The following CBX8 variants were observed in gnomAD, a reference collection of about 807,000 sequenced individuals.
The protein encoded by CBX8 is chromobox protein homolog 8.
In CBX8, 8 loss-of-function variants were observed where a neutral mutation model predicts 39.7. The ratio of observed to expected loss-of-function variants is 0.20; its 90% CI spans 0.12 to 0.36. The LOEUF is 0.36. Ranked by LOEUF, CBX8 falls within the 10% of genes least tolerant of loss-of-function variation. The probability of loss-of-function intolerance (pLI) is 1.00; values close to 1 mark genes in which losing one functional copy is unlikely to be tolerated. For synonymous variants in CBX8, 268 were observed against 219.8 expected (o/e 1.22, Z -1.94); for missense variants, 505 against 529.6 (o/e 0.95, Z 0.46).
chr17:79,796,807 G>T (rs1200830715), intron 1 of CBX8, 123 bp downstream of exon 1: 1 of 964,786 alleles, frequency 1.0e-6, no homozygotes, highest in Non-Finnish European at 1.5e-6. Flanking sequence ...CGCCGCCGCC[G>T]CCACGGCCGC....
Position 79,795,326 on chromosome 17 carries a change from C to A in CBX8, c.479G>T (p.Arg160Leu). Residue 160 changes from arginine (R) to leucine (L), a missense_variant, in exon 5 of 5, where the codon CGG (arginine) becomes CTG (leucine). By Grantham distance (102) the Arg-to-Leu change is moderately radical (BLOSUM62 -2). This residue lies in a region of CBX8 where 456 missense variants were observed against 389.2 expected (regional missense o/e 1.17). Transcript: ENST00000269385. The surrounding 1 kb of genome is among the most constrained non-coding windows in gnomAD (Gnocchi z 5.8). ...RDRDRDRDRE[R>L]DRERERERER... ...TCGCTCCCTCTCCCTTTCTCGATCC[C>A]GCTCCCGGTCCCTATCCCGGTCTCG... is the stretch of plus-strand genomic sequence containing the variant. 6.3e-7 allele frequency: 1 copy of A among 1,581,780 alleles called. No individual in the cohort carries two copies. Among genetic ancestry groups the A allele is most frequent in the Middle Eastern group, 1.7e-4 (1 of 6,030 alleles).
At position 79,796,743 on chromosome 17, in the gene CBX8, C is replaced by T. The variant is rs906179686; in HGVS notation, c.69+187G>A. 7.6e-5 allele frequency among the ~76,000 whole-genome samples: 10 copies of T among 132,240 alleles called. No individual in the cohort carries two copies. The Admixed American group carries it at 7.7e-4, about 10-fold the overall frequency. 86.8% of individuals were successfully genotyped at this position (132,240 alleles called of 152,430 possible). A position where few individuals can be genotyped will look rare whatever the true frequency, so the allele number is the denominator to read the frequency against. ...TTCCCCACCCCGCCCCCCACCCATGCAATCCGTGCATCGCTGCAAGTCTAA... is the reference window on the plus strand; with the variant it reads ...TTCCCCACCCCGCCCCCCACCCATGTAATCCGTGCATCGCTGCAAGTCTAA... On this transcript the variant is annotated intron_variant, in intron 1 of 4. Transcript: ENST00000269385.
chr17:79,793,873 T>C lies in CBX8; in HGVS notation c.*762A>G, dbSNP rs770773692. 1.3e-5 allele frequency: 2 copies of C among 152,080 alleles called. No homozygotes were observed. Among genetic ancestry groups the C allele is most frequent in the Non-Finnish European group, 2.9e-5 (2 of 68,016 alleles). The allele number at this position is 152,080 out of a possible 1,614,324, so 9.4% of individuals were successfully genotyped here. On this transcript the variant is annotated 3_prime_UTR_variant, in exon 5 of 5. Transcript: ENST00000269385. ...ACGGGGAGATTTTATCCACATGACA[T>C]ACACACGATCTGCGTGTACCACACA...
In CBX8 at chr17:79,792,783, T is replaced by TCC. The variant is rs1451557000; in HGVS notation, c.*1850_*1851dup. The TCC allele has an allele frequency of 6.6e-6, 1 of 152,214 alleles. No individual in the cohort carries two copies. The highest frequency in any genetic ancestry group is 2.4e-5 in the African/African-American group (1 of 41,434). The allele number at this position is 152,214 out of a possible 1,614,324, so 9.4% of individuals were successfully genotyped here. Reference sequence around the variant, plus strand: ...AAACACAATCATGTAGTACACCGTTTCCCTCCTTTTCTCTCTTTAAAGGCA... The same window carrying TCC: ...AAACACAATCATGTAGTACACCGTTTCCCCCTCCTTTTCTCTCTTTAAAGGCA... On this transcript the variant is annotated 3_prime_UTR_variant, in exon 5 of 5. Transcript: ENST00000269385.
At position 79,795,363 on chromosome 17, in the gene CBX8, G is replaced by T; in HGVS notation, c.442C>A (p.Arg148=). 6.3e-7 allele frequency: 1 copy of T among 1,595,084 alleles called. No individual in the cohort carries two copies. The highest frequency in any genetic ancestry group is 1.8e-5 in the Admixed American group (1 of 56,350). ...CTATCCCGGTCTCGGTCCCGGTCCC[G>T]AGGGGCCTCTGCGCGGCAGGTGCTG... is the stretch of plus-strand genomic sequence containing the variant. ...TSSTCRAEAP[R]DRDRDRDRDR... Residue 148 remains arginine, a synonymous_variant, in exon 5 of 5, where the codon CGG becomes AGG. Transcript: ENST00000269385. The surrounding 1 kb of genome is among the most constrained non-coding windows in gnomAD (Gnocchi z 5.8).
rs1046369068 is a variant in CBX8 at position 79,795,475 on chromosome 17, C to T, written c.330G>A (p.Ser110=). ...GGGAAGTGGAGGCCAGGTCCTGGGG[C>T]GAGCGGCCAGGGTAGGGGATCCGGA... ...RGIRIPYPGR[S]PQDLASTSRA... Residue 110 remains serine (S), a synonymous_variant, in exon 5 of 5, where the codon TCG becomes TCA. Coordinates refer to ENST00000269385, the MANE Select transcript of CBX8 (RefSeq NM_020649.3). The surrounding 1 kb of genome is among the most constrained non-coding windows in gnomAD (Gnocchi z 5.8). The T allele has an allele frequency of 5.6e-6, 9 of 1,595,522 alleles. No homozygotes were observed. Among genetic ancestry groups the T allele is most frequent in the Non-Finnish European group, 6.8e-6 (8 of 1,170,948 alleles).
intron 1 of CBX8, 47 bp from the exon 2 acceptor site, chr17:79,796,587 G>A: frequency 1.2e-6 from 2 of 1,605,376 alleles, no homozygotes; most frequent in African/African-American, 1.3e-5. Flanking sequence ...AGAAACGCAT[G>A]ACGAGGATAC....
rs889074572 is a variant in CBX8, at chr17:79,795,770, T to C, written c.247-212A>G. ...AGAGGTAGAAGGATGAGAGAAGAGG[T>C]AGAAGATTTGGCTGGAAGTAGTCAT... is the stretch of plus-strand genomic sequence containing the variant. On this transcript the variant is annotated intron_variant, in intron 4 of 4. Coordinates refer to ENST00000269385, the MANE Select transcript of CBX8 (RefSeq NM_020649.3). The surrounding 1 kb of genome is among the most constrained non-coding windows in gnomAD (Gnocchi z 5.8). 3.3e-5 allele frequency among the ~76,000 whole-genome samples: 5 copies of C among 152,054 alleles called. No homozygotes were observed. Among genetic ancestry groups the C allele is most frequent in the Admixed American group, 6.6e-5 (1 of 15,260 alleles).
In CBX8 at chr17:79,795,289, C is replaced by T; in HGVS notation, c.516G>A (p.Arg172=). ...RERERERERE[R]ERERERERGT... is the part of the protein sequence containing the mutation. ...CCCGCTCTCGTTCCCTCTCACGTTC[C>T]CGCTCCCTCTCTCGCTCCCTCTCCC... Residue 172 remains arginine, a synonymous_variant, in exon 5 of 5, where the codon CGG becomes CGA. Coordinates refer to ENST00000269385, the MANE Select transcript of CBX8 (RefSeq NM_020649.3). This position sits in a 1 kb window ranked among gnomAD's most constrained non-coding sequence, Gnocchi z 5.8. The T allele has an allele frequency of 6.3e-7, 1 of 1,598,058 alleles. No individual in the cohort carries two copies. The highest frequency in any genetic ancestry group is 8.5e-7 in the Non-Finnish European group (1 of 1,172,240).
intron 2 of CBX8, 75 bp from the exon 3 acceptor site, chr17:79,796,390 A>T (rs1300285968): frequency 6.5e-7 from 1 of 1,539,150 alleles, no homozygotes; most frequent in African/African-American, 1.4e-5. Context: ...TGTGTGTGTA[A>T]CTTTTCTCAT....
At chr17:79,796,813 G>T in intron 1 of CBX8, 117 bp downstream of exon 1, 1 of 1,024,850 alleles carries the variant, frequency 9.8e-7, no homozygotes, top group Non-Finnish European at 1.4e-6. Flanking sequence ...CGCCGCCACG[G>T]CCGCGGCCGC....
rs1448749624 is a variant in CBX8 at position 79,794,915 on chromosome 17, T to C, written c.890A>G (p.Gln297Arg). 1 of 1,609,186 alleles carries C rather than the reference T, an allele frequency of 6.2e-7. No individual in the cohort carries two copies. Among genetic ancestry groups the C allele is most frequent in the East Asian group, 2.2e-5 (1 of 44,676 alleles). ...GGTGCCATTGGGATCTAGGGCACCC[T>C]GGCCTTTGGCCTCCAGGAAGGCAGC... Reference protein sequence around the residue: ...HRAAFLEAKGQGALDPNGTRV... With the variant: ...HRAAFLEAKGRGALDPNGTRV... Residue 297 changes from glutamine (Q) to arginine (R), a missense_variant, in exon 5 of 5, where the codon CAG becomes CGG. This residue lies in a region of CBX8 where 456 missense variants were observed against 389.2 expected (regional missense o/e 1.17). Transcript: ENST00000269385.
intron 1 of CBX8, 32 bp downstream of exon 1, chr17:79,796,898 C>A: frequency 6.3e-7 from 1 of 1,575,470 alleles, no homozygotes; most frequent in Non-Finnish European, 8.6e-7. Context: ...AGGGCCCGGC[C>A]GCACGGAGGC....
chr17:79,794,450 A>C lies in CBX8; in HGVS notation c.*185T>G. On this transcript the variant is annotated 3_prime_UTR_variant, in exon 5 of 5. Transcript: ENST00000269385. The stretch of plus-strand genomic sequence containing the variant: ...TACATCTAATAGAAAATATAACTCT[A>C]GAGATAATCTTTCCAACAAAAACTG... 6.0e-5 allele frequency: 28 copies of C among 469,988 alleles called. No homozygotes were observed. Among genetic ancestry groups the C allele is most frequent in the Non-Finnish European group, 6.5e-5 (17 of 262,740 alleles). 29.1% of individuals were successfully genotyped at this position (469,988 alleles called of 1,614,324 possible). A position where few individuals can be genotyped will look rare whatever the true frequency, so the allele number is the denominator to read the frequency against.
At position 79,796,129 on chromosome 17, in the gene CBX8, GAAAGAAGA is replaced by G. The variant is rs545259055; in HGVS notation, c.180-14_180-7del. 2.2e-4 allele frequency: 360 copies of G among 1,614,160 alleles called. 2 individuals are homozygous for G. The African/African-American group carries it at 4.2e-3, about 19-fold the overall frequency. On this transcript the variant is annotated splice_polypyrimidine_tract_variant and splice_region_variant and intron_variant, in intron 3 of 4. Coordinates refer to ENST00000269385, the MANE Select transcript of CBX8 (RefSeq NM_020649.3). Reference sequence around the variant, plus strand: ...AGAGCTCCATCTCTCTTTCCCTGGAGAAAGAAGAAAAGGAGAAAGGGTGCGTGAGTAAA... The same window carrying G: ...AGAGCTCCATCTCTCTTTCCCTGGAGAAAGGAGAAAGGGTGCGTGAGTAAA...
Position 79,795,268 on chromosome 17 carries a change from C to T in CBX8, c.537G>A (p.Glu179=). 1 of 1,607,838 alleles carries T rather than the reference C, an allele frequency of 6.2e-7. No homozygotes were observed. Reference sequence around the variant, plus strand: ...TGTCATCCACTCTGCTGGTACCCCGCTCTCGTTCCCTCTCACGTTCCCGCT... The same window carrying T: ...TGTCATCCACTCTGCTGGTACCCCGTTCTCGTTCCCTCTCACGTTCCCGCT... ...ERERERERER[E]RGTSRVDDKP... is the part of the protein sequence containing the mutation. Residue 179 remains glutamate (E), a synonymous_variant, in exon 5 of 5, where the codon GAG becomes GAA. Transcript: ENST00000269385. The surrounding 1 kb of genome is among the most constrained non-coding windows in gnomAD (Gnocchi z 5.8).
Position 79,794,742 on chromosome 17 carries a change from G to A in CBX8, c.1063C>T (p.Leu355=). 3 of 1,612,958 alleles carry A rather than the reference G, an allele frequency of 1.9e-6. No homozygotes were observed. Among genetic ancestry groups the A allele is most frequent in the Non-Finnish European group, 2.5e-6 (3 of 1,179,098 alleles). The part of the protein sequence containing the change: ...DPEEESWSPS[L]TNLEKVVVTD... The stretch of plus-strand genomic sequence containing the variant: ...ACCACCACCTTCTCCAGGTTAGTCA[G>A]GGAGGGGCTCCAGGACTCTTCCTCC... Residue 355 remains leucine, a synonymous_variant, in exon 5 of 5, where the codon CTG becomes TTG. Coordinates refer to ENST00000269385, the MANE Select transcript of CBX8 (RefSeq NM_020649.3).
chr17:79,795,527 T>C lies in CBX8; in HGVS notation c.278A>G (p.Glu93Gly). The C allele has an allele frequency of 6.5e-7, 1 of 1,533,004 alleles. No homozygotes were observed. The allele number at this position is 1,533,004 out of a possible 1,614,324, so 95.0% of individuals were successfully genotyped here. A position where few individuals can be genotyped will look rare whatever the true frequency, so the allele number is the denominator to read the frequency against. Residue 93 changes from glutamate to glycine, a missense_variant, in exon 5 of 5, where the codon GAG becomes GGG. Physicochemically the swap from Glu to Gly is moderately conservative, Grantham distance 98 (BLOSUM62 -2). Around this residue, in one of 3 missense-constraint regions of CBX8, gnomAD observed 456 missense variants for 389.2 expected, o/e 1.17. Coordinates refer to ENST00000269385, the MANE Select transcript of CBX8 (RefSeq NM_020649.3). This position sits in a 1 kb window ranked among gnomAD's most constrained non-coding sequence, Gnocchi z 5.8. ...GCCCCTGGCTGAGTCACTTCGAAAC[T>C]CGTAAGTTTTGGCCTTTGCCTTGGC... ...AQAKAKAKTY[E>G]FRSDSARGIR...
At chr17:79,796,174 G>T in intron 3 of CBX8, 51 bp from the exon 4 acceptor site, 1 of 1,612,298 alleles carries the variant, frequency 6.2e-7, no homozygotes, top group Non-Finnish European at 8.5e-7. Context: ...AAAGCAAGTG[G>T]GACTCTAGTC....
Sources: allele counts gnomAD v4.1 joint callset (sites outside exome capture counted in the v4.1 genomes callset), GRCh38; gene constraint gnomAD v4.1.1; regional missense constraint gnomAD v4.1.1; non-coding constraint Gnocchi (gnomAD v3.1); transcripts MANE v1.5; gene names NCBI Gene and HGNC (gene_info 2026-07-23, HGNC 2026-07-21).